The following SLCO3A1 variants were observed in gnomAD, a reference collection of about 807,000 sequenced individuals.
SLCO3A1 encodes PGE1 transporter.
In SLCO3A1, 27 loss-of-function variants were observed where a neutral mutation model predicts 63.1. The observed-to-expected ratio is 0.43, with a 90% CI of 0.32 to 0.59. The LOEUF is 0.59. Among genes scored for constraint, SLCO3A1 ranks in the 20% least tolerant of loss-of-function variants. The pLI is 0.09. For missense variants in SLCO3A1, 773 were observed against 945.8 expected, an observed-to-expected ratio of 0.82 and a Z score of 2.40; for synonymous variants, 473 against 409.9, an observed-to-expected ratio of 1.15 and a Z score of -1.86.
chr15:92,097,297 C>T (rs75223648), intron 3 of SLCO3A1, among the ~76,000 whole-genome samples: 4,785 of 152,286 alleles, frequency 0.031, 102 homozygotes, highest in Admixed American at 0.05. Flanking sequence ...TATAAAACCC[C>T]GATCTCCTGA....
At chr15:92,171,825 C>T (rs758592193) in exon 11 of SLCO3A1, 2 of 1,551,668 alleles carry the variant, frequency 1.3e-6, no homozygotes, top group South Asian at 2.4e-5. Context: ...TGCCCCGAAT[C>T]ACATTCACCT....
intron 2 of SLCO3A1, among the ~76,000 whole-genome samples, chr15:91,982,806 T>G (rs913490054): frequency 6.6e-5 from 10 of 152,180 alleles, no homozygotes; most frequent in Non-Finnish European, 1.5e-4. Context: ...TGCTGGTGGG[T>G]GGGGAGCTGC....
At chr15:92,007,271 C>T (rs1311205312) in intron 2 of SLCO3A1, among the ~76,000 whole-genome samples, 1 of 152,190 alleles carries the variant, frequency 6.6e-6, no homozygotes, top group Non-Finnish European at 1.5e-5. Flanking sequence ...AACCCATAAA[C>T]ACAAAATATT....
chr15:92,062,635 C>T (rs765746498), intron 2 of SLCO3A1, among the ~76,000 whole-genome samples: 118 of 152,166 alleles, frequency 7.8e-4, no homozygotes, highest in Non-Finnish European at 3.5e-4. Flanking sequence ...GACTTTCAGA[C>T]ACTGGCAAGC....
chr15:92,152,302 C>T (rs188460313), intron 9 of SLCO3A1, among the ~76,000 whole-genome samples: 11 of 152,336 alleles, frequency 7.2e-5, no homozygotes, highest in African/African-American at 2.6e-4. Flanking sequence ...CCTCACCTTC[C>T]TTCTCCGTCT....
chr15:92,143,414 T>TGTA lies in SLCO3A1; in HGVS notation c.1513-3570_1513-3569insGTA, dbSNP rs1351729399. 1.9e-3 allele frequency among the ~76,000 whole-genome samples: 9 copies of TGTA among 4,672 alleles called. 3 individuals carry two copies. The African/African-American group carries it at 0.02, about 10-fold the overall frequency. The allele number at this position is 4,672 out of a possible 152,430, so 3.1% of individuals were successfully genotyped here. A position where few individuals can be genotyped will look rare whatever the true frequency, so the allele number is the denominator to read the frequency against. ...TATATTATATAATATATATAATATA[T>TGTA]ATATTATATATATATAATATATATA... On this transcript the variant is annotated intron_variant, in intron 7 of 9. Transcript: ENST00000318445.
At chr15:92,067,730 C>T (rs756036413) in intron 2 of SLCO3A1, among the ~76,000 whole-genome samples, 2 of 152,204 alleles carry the variant, frequency 1.3e-5, no homozygotes, top group African/African-American at 2.4e-5. Flanking sequence ...AGCTACTAGC[C>T]GGCTTGGAAG....
chr15:91,881,256 T>G (rs914075810), intron 1 of SLCO3A1, among the ~76,000 whole-genome samples: 68 of 151,788 alleles, frequency 4.5e-4, no homozygotes, highest in African/African-American at 1.4e-3. Flanking sequence ...TTGGTCTTAC[T>G]GATTGATTTT....
chr15:91,909,898 C>A (rs1471817878), intron 1 of SLCO3A1, among the ~76,000 whole-genome samples: 1 of 152,206 alleles, frequency 6.6e-6, no homozygotes, highest in South Asian at 2.1e-4. Flanking sequence ...CCTGCTGAAG[C>A]CTCCTCTCTC....
intron 4 of SLCO3A1, among the ~76,000 whole-genome samples, chr15:92,112,135 G>A (rs537930001): frequency 3.9e-5 from 6 of 152,208 alleles, no homozygotes; most frequent in Non-Finnish European, 7.3e-5. Context: ...AGTCTGGAAG[G>A]ATGAGCAGGA....
intron 1 of SLCO3A1, among the ~76,000 whole-genome samples, chr15:91,904,024 AGTGGGTCGGGT>A (rs1898228624): frequency 1.7e-5 from 1 of 57,780 alleles, no homozygotes. Flanking sequence ...GATGGGAAGG[AGTGGGTCGGGT>A]AGAGGGATCT....
At chr15:91,873,736 T>G (rs1020779560) in intron 1 of SLCO3A1, among the ~76,000 whole-genome samples, 4 of 152,176 alleles carry the variant, frequency 2.6e-5, no homozygotes, top group African/African-American at 7.2e-5. Context: ...TAATTTCAAT[T>G]AATACTTCCT....
At chr15:92,046,299 G>A (rs2046862447) in intron 2 of SLCO3A1, among the ~76,000 whole-genome samples, 1 of 152,012 alleles carries the variant, frequency 6.6e-6, no homozygotes, top group South Asian at 2.1e-4. Flanking sequence ...TGGGTCACTT[G>A]AGATCAGGAG....
chr15:91,893,982 A>G lies in SLCO3A1; in HGVS notation c.181-22011A>G, dbSNP rs1597097108. 2.6e-5 allele frequency among the ~76,000 whole-genome samples: 4 copies of G among 152,194 alleles called. No homozygotes were observed. In the South Asian group the frequency reaches 8.3e-4, roughly 32 times the overall value. On this transcript the variant is annotated intron_variant, in intron 1 of 9. Coordinates refer to ENST00000318445, the MANE Select transcript of SLCO3A1 (RefSeq NM_013272.4). The stretch of plus-strand genomic sequence containing the variant: ...CCAGGAGGACCAAAAGTGTGTTGCC[A>G]TAGCGACTGGATTGGAAGCGAAGGT...
downstream of SLCO3A1, among the ~76,000 whole-genome samples, chr15:92,170,190 T>G (rs2048513999): frequency 6.6e-6 from 1 of 152,194 alleles, no homozygotes; most frequent in Non-Finnish European, 1.5e-5. Context: ...CAAGACCATT[T>G]GATTTTATAA....
intron 2 of SLCO3A1, among the ~76,000 whole-genome samples, chr15:92,094,303 A>G (rs935666977): frequency 6.6e-6 from 1 of 152,236 alleles, no homozygotes; most frequent in Non-Finnish European, 1.5e-5. Flanking sequence ...GTGGACAGAA[A>G]TTGAAGAATT....
intron 2 of SLCO3A1, among the ~76,000 whole-genome samples, chr15:91,965,251 C>T (rs561553541): frequency 6.6e-6 from 1 of 152,316 alleles, no homozygotes; most frequent in Admixed American, 6.5e-5. Flanking sequence ...CATCCCAGTG[C>T]TTGGGAAACC....
intron 2 of SLCO3A1, among the ~76,000 whole-genome samples, chr15:92,002,458 T>A (rs1312947668): frequency 6.6e-6 from 1 of 152,216 alleles, no homozygotes; most frequent in Non-Finnish European, 1.5e-5. Context: ...AAGGCCCAGG[T>A]GATGAAAACA....
At chr15:92,025,896 TA>T (rs2046568333) in intron 2 of SLCO3A1, among the ~76,000 whole-genome samples, 1 of 152,258 alleles carries the variant, frequency 6.6e-6, no homozygotes, top group African/African-American at 2.4e-5. Flanking sequence ...CACGGGTTTC[TA>T]AGTTACTTAA....
Sources: gnomAD v4.1 joint callset for allele counts (sites outside exome capture counted in the v4.1 genomes callset) on GRCh38, gnomAD v4.1.1 for gene constraint, MANE v1.5 for transcripts, NCBI Gene and HGNC (gene_info 2026-07-23, HGNC 2026-07-21) for gene names.